The following ZFP2 variants were observed in gnomAD, a reference collection of about 807,000 sequenced individuals.
ZFP2 encodes the protein zinc finger protein ZFP2.
ZFP2 carries 33 observed loss-of-function variants against 36.1 expected under a neutral mutation model. The ratio of observed to expected loss-of-function variants is 0.92; its 90% confidence interval spans 0.69 to 1.22. The LOEUF is 1.22. Ranked by LOEUF, ZFP2 falls within the 50% of genes most tolerant of loss-of-function variation. The pLI is 0.00. For synonymous variants in ZFP2, 170 were observed against 178.0 expected (o/e 0.96, Z 0.36); for missense variants, 522 against 551.4 (o/e 0.95, Z 0.53).
intron 4 of ZFP2, among the ~76,000 whole-genome samples, chr5:178,930,314 C>CTT (rs990713790): frequency 0.014 from 999 of 71,434 alleles, 8 homozygotes; most frequent in East Asian, 0.031. Flanking sequence ...TTTCCCTTTC[C>CTT]TTTTTTTTTT....
At chr5:178,904,685 A>C (rs1324032044) in intron 1 of ZFP2, among the ~76,000 whole-genome samples, 1 of 146,010 alleles carries the variant, frequency 6.8e-6, no homozygotes, top group Non-Finnish European at 1.5e-5. Context: ...GTTGTCTCAG[A>C]ATTCATTTTG....
Position 178,916,669 on chromosome 5 carries a change from C to G in ZFP2, c.-119C>G, listed in dbSNP as rs1319060006. ...TGACTGAGTGCTGTGCTCAGCTCTT[C>G]CACAGCCAGCATCTCACTTACTTGA... On this transcript the variant is annotated 5_prime_UTR_variant, in exon 4 of 5. Transcript: ENST00000361362. 1 of 985,284 alleles carries G rather than the reference C, an allele frequency of 1.0e-6. No homozygotes were observed. The highest frequency in any genetic ancestry group is 1.1e-4 in the East Asian group (1 of 8,826). 61.0% of individuals were successfully genotyped at this position (985,284 alleles called of 1,614,324 possible).
rs535249339 is a variant in ZFP2 at position 178,897,427 on chromosome 5, C to A, written c.-450+1453C>A. Among the ~76,000 whole-genome samples, 28 of 152,322 alleles carry A rather than the reference C, an allele frequency of 1.8e-4. No individual in the cohort carries two copies. In the South Asian group the frequency reaches 5.8e-3, roughly 32 times the overall value. ...GAAACGTCACAGGTTCTTATGGTCACACATGAAAACCTTTTCTTCACGTTT... is the reference window on the plus strand; with the variant it reads ...GAAACGTCACAGGTTCTTATGGTCAAACATGAAAACCTTTTCTTCACGTTT... On this transcript the variant is annotated intron_variant, in intron 1 of 4. Transcript: ENST00000361362.
intron 1 of ZFP2, among the ~76,000 whole-genome samples, chr5:178,906,066 T>G (rs1758159409): frequency 6.6e-6 from 1 of 152,232 alleles, no homozygotes; most frequent in Admixed American, 6.5e-5. Flanking sequence ...TGTTCACCTT[T>G]TAAGAAGCCT....
chr5:178,898,916 C>T (rs950629476), intron 1 of ZFP2, among the ~76,000 whole-genome samples: 5 of 152,146 alleles, frequency 3.3e-5, no homozygotes, highest in Non-Finnish European at 5.9e-5. Flanking sequence ...GGTGCTGGTG[C>T]TTATAGGGCT....
chr5:178,896,128 C>T (rs541414331), intron 1 of ZFP2, among the ~76,000 whole-genome samples, 154 bp downstream of exon 1: 1 of 152,342 alleles, frequency 6.6e-6, no homozygotes, highest in East Asian at 1.9e-4. Context: ...CTCACTGCGC[C>T]TGTGGAGCGC....
At position 178,932,524 on chromosome 5, in the gene ZFP2, A is replaced by G; in HGVS notation, c.1211A>G (p.His404Arg). The G allele has an allele frequency of 6.2e-7, 1 of 1,614,152 alleles. No homozygotes were observed. The highest frequency in any genetic ancestry group is 1.6e-4 in the Middle Eastern group (1 of 6,062). Residue 404 changes from histidine to arginine, a missense_variant, in exon 5 of 5, where the codon CAT becomes CGT. Physicochemically the swap from His to Arg is conservative, Grantham distance 29. Transcript: ENST00000361362. Reference sequence around the variant, plus strand: ...TACCTTATTGAACATCAAAGAATTCATACTGGTGAGAAACCCTATGAATGT... The same window carrying G: ...TACCTTATTGAACATCAAAGAATTCGTACTGGTGAGAAACCCTATGAATGT... ...SAYLIEHQRI[H>R]TGEKPYECDQ...
intron 4 of ZFP2, among the ~76,000 whole-genome samples, chr5:178,929,532 G>A (rs985563486): frequency 1.3e-5 from 2 of 152,178 alleles, no homozygotes; most frequent in Non-Finnish European, 2.9e-5. Flanking sequence ...GTACAGCCAA[G>A]GTCTTTGCTA....
chr5:178,929,117 C>T (rs1422742250), intron 4 of ZFP2, among the ~76,000 whole-genome samples: 1 of 151,882 alleles, frequency 6.6e-6, no homozygotes. Context: ...GGGCACCGGG[C>T]CCTGGGCCTG....
chr5:178,912,705 A>G lies in ZFP2; in HGVS notation c.-328A>G. 1 of 1,063,918 alleles carries G rather than the reference A, an allele frequency of 9.4e-7. No individual in the cohort carries two copies. Among genetic ancestry groups the G allele is most frequent in the Non-Finnish European group, 1.2e-6 (1 of 863,712 alleles). The allele number at this position is 1,063,918 out of a possible 1,614,324, so 65.9% of individuals were successfully genotyped here. On this transcript the variant is annotated 5_prime_UTR_variant, in exon 2 of 5. Coordinates refer to ENST00000361362, the MANE Select transcript of ZFP2 (RefSeq NM_030613.4). ...GAGGTGATGCTGGAGAACTACAGGAACCCGGTCTCACTGGGTAAGGACTTC... is the reference window on the plus strand; with the variant it reads ...GAGGTGATGCTGGAGAACTACAGGAGCCCGGTCTCACTGGGTAAGGACTTC...
At position 178,932,344 on chromosome 5, in the gene ZFP2, A is replaced by G. The variant is rs529307239; in HGVS notation, c.1031A>G (p.His344Arg). The G allele has an allele frequency of 2.5e-6, 4 of 1,614,192 alleles. No homozygotes were observed. Among genetic ancestry groups the G allele is most frequent in the South Asian group, 1.1e-5 (1 of 91,084 alleles). ...AGTAAGAATTCATCTCTAACTCAAC[A>G]TCGGAGAATTCACACTGGAGAGAAA... ...AFSKNSSLTQHRRIHTGEKPY... is the reference protein window; with the variant it reads ...AFSKNSSLTQRRRIHTGEKPY... Residue 344 changes from histidine to arginine, a missense_variant, in exon 5 of 5, where the codon CAT becomes CGT. His to Arg is a conservative substitution (Grantham distance 29, BLOSUM62 0). Transcript: ENST00000361362.
At chr5:178,916,225 G>T (rs1758428166) in intron 3 of ZFP2, among the ~76,000 whole-genome samples, 1 of 152,096 alleles carries the variant, frequency 6.6e-6, no homozygotes, top group Admixed American at 6.5e-5. Context: ...AATGCCTGTT[G>T]GATTTGGTGA....
At chr5:178,909,977 C>G (rs1660642119) in intron 1 of ZFP2, 1 of 1,409,042 alleles carries the variant, frequency 7.1e-7, no homozygotes, top group African/African-American at 1.4e-5. Flanking sequence ...GAGAATTGTT[C>G]TGGGTAGAGA....
chr5:178,929,984 G>A (rs1758790689), intron 4 of ZFP2, among the ~76,000 whole-genome samples: 2 of 151,306 alleles, frequency 1.3e-5, no homozygotes, highest in South Asian at 4.2e-4. Flanking sequence ...GGCAGTAGGT[G>A]AGAGGGGAGC....
intron 1 of ZFP2, among the ~76,000 whole-genome samples, chr5:178,906,494 C>T (rs1047946681): frequency 1.3e-5 from 2 of 152,134 alleles, no homozygotes; most frequent in Middle Eastern, 3.4e-3. Flanking sequence ...TTCTGTTTTA[C>T]GTATATCTTT....
intron 1 of ZFP2, among the ~76,000 whole-genome samples, chr5:178,896,292 G>A (rs1348856117): frequency 2.6e-5 from 4 of 152,214 alleles, no homozygotes; most frequent in Non-Finnish European, 5.9e-5. Flanking sequence ...CAAGGGCCAC[G>A]CCGGCCACCA....
At chr5:178,913,145 T>C (rs374391946) in intron 3 of ZFP2, 74 bp downstream of exon 3, 1,888 of 868,070 alleles carry the variant, frequency 2.2e-3, no homozygotes, top group Non-Finnish European at 2.5e-3. Flanking sequence ...TTGTTGGGTC[T>C]CTGGAGAGAC....
intron 1 of ZFP2, among the ~76,000 whole-genome samples, chr5:178,906,375 T>A (rs1328736903): frequency 6.6e-6 from 1 of 152,206 alleles, no homozygotes; most frequent in Non-Finnish European, 1.5e-5. Context: ...TGTTTTCACA[T>A]ATATTCTCCC....
intron 3 of ZFP2, among the ~76,000 whole-genome samples, chr5:178,913,668 C>T (rs1250913500): frequency 6.6e-6 from 1 of 151,774 alleles, no homozygotes; most frequent in African/African-American, 2.4e-5. Flanking sequence ...GCATTACTAC[C>T]CATTCAATGC....
Sources: allele counts gnomAD v4.1 joint callset (sites outside exome capture counted in the v4.1 genomes callset), GRCh38; gene constraint gnomAD v4.1.1; transcripts MANE v1.5; gene names NCBI Gene and HGNC (gene_info 2026-07-23, HGNC 2026-07-21).